Variants in GUCY1A2 observed in about 807,000 individuals in gnomAD.
GUCY1A2 encodes guanylate cyclase soluble subunit alpha-2.
In GUCY1A2, 27 loss-of-function variants were observed where a neutral mutation model predicts 63.5. The observed-to-expected ratio is 0.43, with a 90% CI of 0.31 to 0.59. The LOEUF is 0.59. GUCY1A2 is among the 20% of genes least tolerant of loss of function. The pLI, the probability that GUCY1A2 is intolerant of heterozygous loss-of-function variation, is 0.11. For missense variants in GUCY1A2, 768 were observed against 913.3 expected (o/e 0.84, Z 2.05); for synonymous variants, 364 against 343.5 (o/e 1.06, Z -0.66).
chr11:106,692,917 C>G (rs1208741415), intron 7 of GUCY1A2, among the ~76,000 whole-genome samples: 1 of 152,202 alleles, frequency 6.6e-6, no homozygotes, highest in Non-Finnish European at 1.5e-5. Flanking sequence ...CCAGTTCCAG[C>G]CTCTAATAGC....
intron 4 of GUCY1A2, among the ~76,000 whole-genome samples, chr11:106,888,711 T>C (rs1156293983): frequency 6.6e-6 from 1 of 152,174 alleles, no homozygotes; most frequent in African/African-American, 2.4e-5. Flanking sequence ...ACAACAATGG[T>C]TTCCTTGTCC....
At chr11:106,740,936 G>A (rs1236233020) in intron 6 of GUCY1A2, among the ~76,000 whole-genome samples, 1 of 152,132 alleles carries the variant, frequency 6.6e-6, no homozygotes, top group East Asian at 1.9e-4. Context: ...GCCTCCCAAA[G>A]TGCTGGGATT....
Position 106,825,043 on chromosome 11 carries a change from G to T in GUCY1A2, c.1207-14565C>A, listed in dbSNP as rs566227404. 6.6e-6 allele frequency: 8 copies of T among 1,209,074 alleles called. No homozygotes were observed. In the African/African-American group the frequency reaches 9.2e-5, roughly 14 times the overall value. The allele number at this position is 1,209,074 out of a possible 1,614,324, so 74.9% of individuals were successfully genotyped here. ...TGTAGTTAGACAATAGTTTTTAAAA[G>T]AATTTCATAGATATTTTATATGTAT... is the stretch of plus-strand genomic sequence containing the variant. On this transcript the variant is annotated intron_variant, in intron 4 of 7. Coordinates refer to ENST00000526355, the MANE Select transcript of GUCY1A2 (RefSeq NM_000855.3).
chr11:106,733,946 A>C (rs1591253442), intron 6 of GUCY1A2, among the ~76,000 whole-genome samples: 1 of 152,134 alleles, frequency 6.6e-6, no homozygotes, highest in Admixed American at 6.6e-5. Flanking sequence ...AGACTCTGAA[A>C]CATTTGGCCA....
chr11:106,920,220 T>C (rs951752221), intron 4 of GUCY1A2, among the ~76,000 whole-genome samples: 1 of 151,458 alleles, frequency 6.6e-6, no homozygotes, highest in African/African-American at 2.4e-5. Flanking sequence ...TTTCAGTGGA[T>C]GGAGCAGTGC....
intron 6 of GUCY1A2, among the ~76,000 whole-genome samples, chr11:106,719,867 A>T (rs1034114650): frequency 6.6e-6 from 1 of 152,212 alleles, no homozygotes; most frequent in Non-Finnish European, 1.5e-5. Flanking sequence ...ATATTCACAA[A>T]TAATCAATAC....
At chr11:106,998,642 C>T (rs1170654188) in intron 1 of GUCY1A2, among the ~76,000 whole-genome samples, 5 of 152,096 alleles carry the variant, frequency 3.3e-5, no homozygotes, top group Non-Finnish European at 7.4e-5. Flanking sequence ...ATGGGGCATG[C>T]ATTATTACCA....
intron 7 of GUCY1A2, among the ~76,000 whole-genome samples, chr11:106,702,957 A>C (rs1221525796): frequency 1.3e-5 from 2 of 152,168 alleles, no homozygotes; most frequent in African/African-American, 4.8e-5. Flanking sequence ...GAGTGTTGCC[A>C]AAGGAGATTA....
In GUCY1A2 at chr11:106,677,484, C is replaced by G; in HGVS notation, c.*10065G>C. On this transcript the variant is annotated 3_prime_UTR_variant, in exon 8 of 8. Coordinates refer to ENST00000526355, the MANE Select transcript of GUCY1A2 (RefSeq NM_000855.3). Reference sequence around the variant, plus strand: ...GATTGAAGACATAAAACCAAATTTTCCCAGCAGATAATAAATTCTGCACTG... The same window carrying G: ...GATTGAAGACATAAAACCAAATTTTGCCAGCAGATAATAAATTCTGCACTG... 1 of 207,352 alleles carries G rather than the reference C, an allele frequency of 4.8e-6. No homozygotes were observed. Among genetic ancestry groups the G allele is most frequent in the East Asian group, 7.2e-5 (1 of 13,810 alleles). The allele number at this position is 207,352 out of a possible 1,614,324, so 12.8% of individuals were successfully genotyped here.
chr11:107,008,806 A>G (rs975924502), intron 1 of GUCY1A2, among the ~76,000 whole-genome samples: 7 of 152,236 alleles, frequency 4.6e-5, no homozygotes, highest in African/African-American at 9.6e-5. Flanking sequence ...GTGTGTACAT[A>G]AAAACAGTCA....
At chr11:106,918,586 C>T (rs992537508) in intron 4 of GUCY1A2, among the ~76,000 whole-genome samples, 2 of 145,138 alleles carry the variant, frequency 1.4e-5, no homozygotes, top group Admixed American at 6.9e-5. Context: ...CACACAGAGA[C>T]ATTACACATG....
At position 106,680,884 on chromosome 11, in the gene GUCY1A2, T is replaced by G; in HGVS notation, c.*6665A>C. 4.9e-6 allele frequency: 1 copy of G among 204,590 alleles called. No individual in the cohort carries two copies. The highest frequency in any genetic ancestry group is 1.0e-5 in the Non-Finnish European group (1 of 99,722). 12.7% of individuals were successfully genotyped at this position (204,590 alleles called of 1,614,324 possible). On this transcript the variant is annotated 3_prime_UTR_variant, in exon 8 of 8. Transcript: ENST00000526355. ...GGAGCTGTCATCTTATTTAGATGCTTAGGAATGAATCCTAAGCTTATATGC... is the reference window on the plus strand; with the variant it reads ...GGAGCTGTCATCTTATTTAGATGCTGAGGAATGAATCCTAAGCTTATATGC...
chr11:106,698,489 A>G (rs1591234814), intron 7 of GUCY1A2, among the ~76,000 whole-genome samples: 1 of 152,204 alleles, frequency 6.6e-6, no homozygotes, highest in East Asian at 1.9e-4. Flanking sequence ...TTATAGAAGA[A>G]TTGCAAAGAT....
At position 106,731,973 on chromosome 11, in the gene GUCY1A2, T is replaced by C. The variant is rs188486356; in HGVS notation, c.1837-23307A>G. ...AATATTGTTAAAATAGCCATACTGC[T>C]CAAAGCAATTTATAGATTCAATGCT... On this transcript the variant is annotated intron_variant, in intron 6 of 7. Transcript: ENST00000526355. 1.2e-3 allele frequency among the ~76,000 whole-genome samples: 179 copies of C among 152,234 alleles called. 1 individual carries two copies. The highest frequency in any genetic ancestry group is 4.1e-3 in the African/African-American group (170 of 41,538).
chr11:106,719,916 C>CCAGGAAAT lies in GUCY1A2; in HGVS notation c.1837-11258_1837-11251dup, dbSNP rs1261421935. ...TAATTTATATACCTCTACTGTTTGC[C>CCAGGAAAT]CAGGAAATCATTTTCGCCAGCATTC... On this transcript the variant is annotated intron_variant, in intron 6 of 7. Transcript: ENST00000526355. Among the ~76,000 whole-genome samples the CCAGGAAAT allele has an allele frequency of 3.9e-5, 6 of 152,248 alleles. No homozygotes were observed. The East Asian group carries it at 1.2e-3, about 29-fold the overall frequency.
chr11:107,002,719 C>G (rs1014295134), intron 1 of GUCY1A2, among the ~76,000 whole-genome samples: 5 of 152,140 alleles, frequency 3.3e-5, no homozygotes, highest in African/African-American at 9.7e-5. Context: ...GATTTGACAT[C>G]CCATAGTCAG....
At chr11:106,912,936 T>G (rs1345613391) in intron 4 of GUCY1A2, among the ~76,000 whole-genome samples, 1 of 152,114 alleles carries the variant, frequency 6.6e-6, no homozygotes, top group African/African-American at 2.4e-5. Flanking sequence ...TTTCTACCAC[T>G]GATTCTCTCA....
chr11:106,874,474 A>G (rs890129402), intron 4 of GUCY1A2, among the ~76,000 whole-genome samples: 1 of 152,152 alleles, frequency 6.6e-6, no homozygotes, highest in Admixed American at 6.6e-5. Context: ...CACAGTCTCA[A>G]AGCAGAGTTG....
chr11:106,867,689 C>A (rs1285150723), intron 4 of GUCY1A2, among the ~76,000 whole-genome samples: 4 of 152,016 alleles, frequency 2.6e-5, no homozygotes, highest in Non-Finnish European at 5.9e-5. Flanking sequence ...GCTTAATAGA[C>A]TCCTCTGAAT....
Sources: allele counts gnomAD v4.1 joint callset (sites outside exome capture counted in the v4.1 genomes callset), GRCh38; gene constraint gnomAD v4.1.1; transcripts MANE v1.5; gene names NCBI Gene and HGNC (gene_info 2026-07-23, HGNC 2026-07-21).